Variants in PCDH15 observed in about 807,000 individuals in gnomAD.
PCDH15 encodes protocadherin related 15.
In PCDH15, 129 loss-of-function variants were observed where a neutral mutation model predicts 178.5. The observed-to-expected ratio is 0.72, with a 90% CI of 0.63 to 0.84. PCDH15 has a LOEUF of 0.84. Ranked by LOEUF, PCDH15 falls within the 40% of genes least tolerant of loss-of-function variation. The probability of loss-of-function intolerance (pLI) is 0.00; values close to 1 mark genes in which losing one functional copy is unlikely to be tolerated. For synonymous variants in PCDH15, 800 were observed against 732.0 expected (o/e 1.09, Z -1.50); for missense variants, 2,230 against 2,099.9 (o/e 1.06, Z -1.21).
intron 3 of PCDH15, among the ~76,000 whole-genome samples, chr10:54,410,068 C>T (rs1373804435): frequency 6.6e-6 from 1 of 152,138 alleles, no homozygotes; most frequent in African/African-American, 2.4e-5. Context: ...TTGTGAGAAC[C>T]TCACAACTGT....
intron 7 of PCDH15, among the ~76,000 whole-genome samples, chr10:54,318,369 T>C (rs1014790519): frequency 6.6e-6 from 1 of 152,186 alleles, no homozygotes; most frequent in African/African-American, 2.4e-5. Flanking sequence ...TTAACAGCTC[T>C]CCAGCCATTT....
chr10:54,604,145 T>G (rs2092653387), intron 2 of PCDH15, among the ~76,000 whole-genome samples: 1 of 152,072 alleles, frequency 6.6e-6, no homozygotes, highest in African/African-American at 2.4e-5. Flanking sequence ...CCTGAAAAGA[T>G]ACTTGATACA....
intron 2 of PCDH15, among the ~76,000 whole-genome samples, chr10:54,541,841 G>A (rs912754959): frequency 1.3e-5 from 2 of 152,006 alleles, no homozygotes; most frequent in African/African-American, 4.8e-5. Context: ...ACTCAACAAG[G>A]TCAAAAGATA....
chr10:55,485,811 T>C (rs1045199391), intron 2 of PCDH15, among the ~76,000 whole-genome samples: 2 of 151,666 alleles, frequency 1.3e-5, no homozygotes, highest in South Asian at 2.1e-4. Flanking sequence ...GGAAACTATA[T>C]CAGTATATTG....
intron 3 of PCDH15, among the ~76,000 whole-genome samples, chr10:54,856,814 A>G (rs1249147677): frequency 6.6e-6 from 1 of 152,192 alleles, no homozygotes; most frequent in Non-Finnish European, 1.5e-5. Context: ...CCTTTGGACT[A>G]TGTTACCACC....
chr10:54,240,632 T>C (rs981650491), intron 8 of PCDH15, among the ~76,000 whole-genome samples: 7 of 135,426 alleles, frequency 5.2e-5, no homozygotes, highest in African/African-American at 1.4e-4. Context: ...TTTGCTTTTT[T>C]TTTTTTTTTT....
At chr10:54,281,581 A>G (rs2058708448) in intron 8 of PCDH15, among the ~76,000 whole-genome samples, 2 of 152,058 alleles carry the variant, frequency 1.3e-5, no homozygotes, top group South Asian at 4.1e-4. Flanking sequence ...ATAAGTCATT[A>G]CTAAATGTGT....
chr10:55,465,391 T>C (rs1305822287), intron 2 of PCDH15, among the ~76,000 whole-genome samples: 1 of 152,124 alleles, frequency 6.6e-6, no homozygotes, highest in African/African-American at 2.4e-5. Context: ...CACAGGTGTA[T>C]TGTACTGGAG....
intron 15 of PCDH15, among the ~76,000 whole-genome samples, chr10:54,125,972 A>G (rs1421624745): frequency 6.6e-6 from 1 of 152,136 alleles, no homozygotes. Context: ...CATTATTTCA[A>G]ATGCCCAGTA....
chr10:54,930,008 G>A (rs1403272450), intron 2 of PCDH15, among the ~76,000 whole-genome samples: 1 of 152,184 alleles, frequency 6.6e-6, no homozygotes. Context: ...AGAGCAGCCT[G>A]TAAAATTGAG....
At chr10:53,823,762 C>A (rs919487502) in intron 32 of PCDH15, 1 of 450,202 alleles carries the variant, frequency 2.2e-6, no homozygotes, top group Non-Finnish European at 4.4e-6. Flanking sequence ...CTGCCTGTTA[C>A]GCATAGAAGA....
intron 8 of PCDH15, among the ~76,000 whole-genome samples, chr10:54,273,121 A>AGAG (rs1491213502): frequency 1.3e-5 from 2 of 152,108 alleles, no homozygotes; most frequent in Non-Finnish European, 2.9e-5. Context: ...CCCAATAAAA[A>AGAG]GAGGCAGCCA....
intron 1 of PCDH15, among the ~76,000 whole-genome samples, chr10:55,267,085 T>C (rs1456132082): frequency 1.3e-5 from 2 of 151,600 alleles, no homozygotes; most frequent in African/African-American, 4.9e-5. Context: ...ACTTTTCCCA[T>C]TTCAAAAGGA....
intron 3 of PCDH15, among the ~76,000 whole-genome samples, chr10:54,443,349 G>T (rs1256063121): frequency 6.6e-6 from 1 of 151,302 alleles, no homozygotes; most frequent in Non-Finnish European, 1.5e-5. Context: ...ATCTTCGGAA[G>T]CCCCTGGGAA....
intron 3 of PCDH15, among the ~76,000 whole-genome samples, chr10:54,859,847 T>C (rs1953809174): frequency 6.6e-6 from 1 of 151,892 alleles, no homozygotes; most frequent in Non-Finnish European, 1.5e-5. Context: ...GTGCTACTTG[T>C]ATATCTCCTT....
At chr10:54,767,535 A>C (rs563747083) in intron 1 of PCDH15, among the ~76,000 whole-genome samples, 1 of 152,032 alleles carries the variant, frequency 6.6e-6, no homozygotes, top group South Asian at 2.1e-4. Flanking sequence ...CTAAGAGTAC[A>C]GTATGGGAAG....
Position 54,565,610 on chromosome 10 carries a change from T to C in PCDH15, c.92-37733A>G, listed in dbSNP as rs374318818. Reference sequence around the variant, plus strand: ...GAGAGAAAATTGTCTGGAAAGAGCATGCTGTTACTTTCTGGAATTATGAAA... The same window carrying C: ...GAGAGAAAATTGTCTGGAAAGAGCACGCTGTTACTTTCTGGAATTATGAAA... On this transcript the variant is annotated intron_variant, in intron 2 of 37. Transcript: ENST00000644397. Among the ~76,000 whole-genome samples the C allele has an allele frequency of 2.2e-3, 339 of 152,332 alleles. 1 individual carries two copies. Among genetic ancestry groups the C allele is most frequent in the African/African-American group, 7.8e-3 (326 of 41,568 alleles).
At chr10:55,036,550 C>T (rs763208383) in intron 2 of PCDH15, among the ~76,000 whole-genome samples, 28 of 152,078 alleles carry the variant, frequency 1.8e-4, no homozygotes, top group Non-Finnish European at 3.1e-4. Flanking sequence ...CATTTCAGCT[C>T]GCACCAGCCT....
rs79336721 is a variant in PCDH15, at chr10:54,478,729, G to T, written c.157+49083C>A. On this transcript the variant is annotated intron_variant, in intron 3 of 37. Coordinates refer to ENST00000644397, the MANE Select transcript of PCDH15 (RefSeq NM_001384140.1). ...TTAAAAATAATTGGTGAATTAAATT[G>T]TCATTGGTGGCCTCATTTTCCTTTT... is the stretch of plus-strand genomic sequence containing the variant. 1.9e-3 allele frequency among the ~76,000 whole-genome samples: 295 copies of T among 152,152 alleles called. 1 individual carries two copies. Among genetic ancestry groups the T allele is most frequent in the East Asian group, 0.013 (67 of 5,160 alleles).
Sources: allele counts gnomAD v4.1 joint callset (sites outside exome capture counted in the v4.1 genomes callset), GRCh38; gene constraint gnomAD v4.1.1; transcripts MANE v1.5; gene names NCBI Gene and HGNC (gene_info 2026-07-23, HGNC 2026-07-21).